The following GIPR variants were observed in gnomAD, a reference collection of about 807,000 sequenced individuals.
GIPR encodes GIP-R.
In GIPR, 74 loss-of-function variants were observed where a neutral mutation model predicts 62.2. That is an observed-to-expected ratio of 1.19 (90% CI 0.99 to 1.44). The LOEUF is 1.44. Ranked by LOEUF, GIPR falls within the 40% of genes most tolerant of loss-of-function variation. GIPR has a pLI of 0.00. For missense variants in GIPR, 664 were observed against 611.8 expected (o/e 1.09, Z -0.90); for synonymous variants, 256 against 262.2 (o/e 0.98, Z 0.23).
intron 1 of GIPR, 29 bp from the exon 2 acceptor site, chr19:45,669,448 G>T: frequency 6.5e-7 from 1 of 1,536,764 alleles, no homozygotes. Context: ...GGAGGGCAGA[G>T]GTGCTGACCT....
intron 1 of GIPR, 122 bp from the exon 2 acceptor site, chr19:45,669,355 C>CG: frequency 1.1e-6 from 1 of 943,380 alleles, no homozygotes; most frequent in East Asian, 2.7e-5. Flanking sequence ...TGCGCTGCCT[C>CG]GGAGTCCCGC....
At chr19:45,670,573 G>A in intron 2 of GIPR, 62 bp from the exon 3 acceptor site, 1 of 1,182,628 alleles carries the variant, frequency 8.5e-7, no homozygotes, top group Non-Finnish European at 1.3e-6. Context: ...TGGGCCACAT[G>A]GACCTAGCAG....
Position 45,678,295 on chromosome 19 carries a change from T to C in GIPR, c.1152+69T>C, listed in dbSNP as rs1600312253. 4 of 1,511,646 alleles carry C rather than the reference T, an allele frequency of 2.6e-6. No homozygotes were observed. In the South Asian group the frequency reaches 4.8e-5, roughly 18 times the overall value. The allele number at this position is 1,511,646 out of a possible 1,614,324, so 93.6% of individuals were successfully genotyped here. On this transcript the variant is annotated intron_variant, in intron 12 of 13. Coordinates refer to ENST00000590918, the MANE Select transcript of GIPR (RefSeq NM_000164.4). ...CTCCTCCCCAGAGGGGCACGAAAGCTACAGTCGTTCTCTGGTGCAGCCACT... is the reference window on the plus strand; with the variant it reads ...CTCCTCCCCAGAGGGGCACGAAAGCCACAGTCGTTCTCTGGTGCAGCCACT...
At chr19:45,677,131 G>C in intron 8 of GIPR, 23 bp downstream of exon 8, 1 of 1,610,508 alleles carries the variant, frequency 6.2e-7, no homozygotes, top group Non-Finnish European at 8.5e-7. Context: ...CCCGTCCCCC[G>C]CCCAACCCAG....
Position 45,677,376 on chromosome 19 carries a change from A to T in GIPR, c.847A>T (p.Asn283Tyr), listed in dbSNP as rs929741717. Residue 283 changes from asparagine (N) to tyrosine (Y), a missense_variant, in exon 9 of 14, where the codon AAC becomes TAC. Asn to Tyr is a moderately radical substitution (Grantham distance 143). Transcript: ENST00000590918. ...GGTGATCGTCAGGTACCTGTACGAGAACACGCAGTGAGTTGCAGGGTCTGG... is the reference window on the plus strand; with the variant it reads ...GGTGATCGTCAGGTACCTGTACGAGTACACGCAGTGAGTTGCAGGGTCTGG... ...PWVIVRYLYE[N>Y]TQCWERNEVK... The T allele has an allele frequency of 6.3e-7, 1 of 1,594,392 alleles. No homozygotes were observed. The highest frequency in any genetic ancestry group is 1.7e-5 in the Admixed American group (1 of 59,666).
intron 5 of GIPR, among the ~76,000 whole-genome samples, 188 bp downstream of exon 5, chr19:45,673,142 G>A (rs529051379): frequency 2.0e-5 from 3 of 152,284 alleles, no homozygotes; most frequent in African/African-American, 7.2e-5. Flanking sequence ...TAAGATGGCC[G>A]GGTGGTGTGG....
At chr19:45,669,809 C>T (rs1439849953) in intron 2 of GIPR, among the ~76,000 whole-genome samples, 2 of 151,652 alleles carry the variant, frequency 1.3e-5, no homozygotes, top group Non-Finnish European at 2.9e-5. Flanking sequence ...ATTAGCCGGG[C>T]GTGGTGGCGG....
At chr19:45,676,726 G>A (rs1040458168) in intron 7 of GIPR, among the ~76,000 whole-genome samples, 16 of 152,116 alleles carry the variant, frequency 1.1e-4, no homozygotes, top group Non-Finnish European at 1.0e-4. Context: ...GAGCCACCGC[G>A]CCCTACCAGA....
At chr19:45,674,546 G>A in intron 6 of GIPR, 136 bp from the exon 7 acceptor site, 1 of 777,264 alleles carries the variant, frequency 1.3e-6, no homozygotes. Context: ...GGTTGAGGCT[G>A]CAGTGAGCCC....
At chr19:45,680,600 C>T (rs1028630065) in intron 12 of GIPR, among the ~76,000 whole-genome samples, 2 of 151,878 alleles carry the variant, frequency 1.3e-5, no homozygotes, top group Non-Finnish European at 2.9e-5. Context: ...GAGGCTGAGG[C>T]GGGCGTATTG....
intron 6 of GIPR, 123 bp downstream of exon 6, chr19:45,674,300 T>TG: frequency 1.3e-6 from 1 of 768,038 alleles, no homozygotes; most frequent in Non-Finnish European, 2.3e-6. Context: ...TGGGGAGCAG[T>TG]GGGGGTGGTT....
intron 8 of GIPR, 106 bp from the exon 9 acceptor site, chr19:45,677,217 C>G: frequency 1.4e-6 from 2 of 1,391,240 alleles, no homozygotes; most frequent in Middle Eastern, 2.4e-4. Flanking sequence ...AGGCTTCTGC[C>G]TTCCCCACCC....
intron 12 of GIPR, among the ~76,000 whole-genome samples, chr19:45,679,482 A>AG (rs1163824155): frequency 7.6e-6 from 1 of 131,520 alleles, no homozygotes. Flanking sequence ...TCATGTCTCA[A>AG]GAAAAAAAAA....
Position 45,672,842 on chromosome 19 carries a change from TC to T in GIPR, c.281-5del, listed in dbSNP as rs1290597713. On this transcript the variant is annotated splice_region_variant and splice_polypyrimidine_tract_variant and intron_variant, in intron 4 of 13. Coordinates refer to ENST00000590918, the MANE Select transcript of GIPR (RefSeq NM_000164.4). ...GTGTGCCTTAATTCCCTCTCTTCTT[TC>T]CCCACAGTGGCTGCAGGTTTCGTCC... The T allele has an allele frequency of 6.4e-7, 1 of 1,568,530 alleles. No individual in the cohort carries two copies. Among genetic ancestry groups the T allele is most frequent in the South Asian group, 1.1e-5 (1 of 90,146 alleles).
rs755956480 is a variant in GIPR at position 45,669,524 on chromosome 19, ACTACCTCTCCGATC to A, written c.7_20del (p.Thr3AlafsTer21). ...CAGACCCTTCGCCGCCCTCACGATG[ACTACCTCTCCGATC>A]CTGCAGCTGCTGCTGCGGCTCTCAC... On this transcript the variant is annotated frameshift_variant, in exon 2 of 14. Coordinates refer to ENST00000590918, the MANE Select transcript of GIPR (RefSeq NM_000164.4). LOFTEE classifies it high-confidence loss of function. 66 of 1,575,396 alleles carry A rather than the reference ACTACCTCTCCGATC, an allele frequency of 4.2e-5. No individual in the cohort carries two copies. The East Asian group carries it at 1.5e-3, about 36-fold the overall frequency.
In GIPR at chr19:45,677,780, G is replaced by T; in HGVS notation, c.924+1G>T. 1 of 1,612,578 alleles carries T rather than the reference G, an allele frequency of 6.2e-7. No homozygotes were observed. Among genetic ancestry groups the T allele is most frequent in the South Asian group, 1.1e-5 (1 of 91,058 alleles). ...GACCCCCATCCTCATGACCATCTTG[G>T]TAGGATCGGTCCCGCCTCCACCAGG... On this transcript the variant is annotated splice_donor_variant, in intron 10 of 13. Transcript: ENST00000590918. LOFTEE classifies it high-confidence loss of function.
At chr19:45,670,423 T>C in intron 2 of GIPR, 2 of 454,168 alleles carry the variant, frequency 4.4e-6, no homozygotes, top group East Asian at 6.9e-5. Flanking sequence ...CCCAATTTTC[T>C]TGAAGGTTTT....
chr19:45,674,502 G>A, intron 6 of GIPR, 180 bp from the exon 7 acceptor site: 1 of 661,758 alleles, frequency 1.5e-6, no homozygotes, highest in South Asian at 1.7e-5. Context: ...GCTATAGGGG[G>A]GCGCTGAGAC....
chr19:45,677,178 T>C (rs1966983533), intron 8 of GIPR, 70 bp downstream of exon 8: 2 of 1,547,002 alleles, frequency 1.3e-6, no homozygotes, highest in Non-Finnish European at 1.8e-6. Flanking sequence ...GCCCTGCTGG[T>C]TGGCCTCTGC....
Sources: gnomAD v4.1 joint callset for allele counts (sites outside exome capture counted in the v4.1 genomes callset) on GRCh38, gnomAD v4.1.1 for gene constraint, MANE v1.5 for transcripts, NCBI Gene and HGNC (gene_info 2026-07-23, HGNC 2026-07-21) for gene names.